Variants in LINGO2 observed in about 807,000 individuals in gnomAD.
LINGO2 encodes leucine-rich repeat and immunoglobulin-like domain-containing nogo receptor-interacting protein 2.
LINGO2 carries 14 observed loss-of-function variants against 30.6 expected under a neutral mutation model. The observed-to-expected ratio is 0.46, with a 90% CI of 0.30 to 0.72. The LOEUF (loss-of-function observed/expected upper bound fraction) is 0.72. Ranked by LOEUF, LINGO2 falls within the 30% of genes least tolerant of loss-of-function variation. LINGO2 has a pLI of 0.07. For synonymous variants in LINGO2, 317 were observed against 288.5 expected, an observed-to-expected ratio of 1.10 and a Z score of -1.00; for missense variants, 729 against 751.7, an observed-to-expected ratio of 0.97 and a Z score of 0.35.
In LINGO2 at chr9:27,950,364, T is replaced by G. The variant is rs376791650; in HGVS notation, c.308A>C (p.Asn103Thr). 8 of 1,614,160 alleles carry G rather than the reference T, an allele frequency of 5.0e-6. No homozygotes were observed. In the Admixed American group the frequency reaches 1.3e-4, roughly 27 times the overall value. The change falls in exon 6 of 6, where the codon AAT becomes ACT. Residue 103 changes from asparagine (N) to threonine (T), a missense_variant. Transcript: ENST00000379992. ...GCGGAGGGAACGCAGGTTAAAGAGA[T>G]TGTTGAATGCTCCTGGTTCCACATT...
intron 1 of LINGO2, among the ~76,000 whole-genome samples, chr9:28,559,147 T>A (rs558893616): frequency 6.6e-6 from 1 of 152,126 alleles, no homozygotes; most frequent in South Asian, 2.1e-4. Flanking sequence ...CAAGTAAATA[T>A]TCAGACACTG....
intron 4 of LINGO2, among the ~76,000 whole-genome samples, chr9:28,075,342 G>A (rs1295848097): frequency 1.3e-5 from 2 of 151,766 alleles, no homozygotes; most frequent in Non-Finnish European, 2.9e-5. Flanking sequence ...TAAAATTTAT[G>A]TATCCATACT....
At chr9:29,144,385 G>T in the LINGO2 span, among the ~76,000 whole-genome samples, 1 of 151,902 alleles carries the variant, frequency 6.6e-6, no homozygotes, top group African/African-American at 2.4e-5. Context: ...GATTCTTCCT[G>T]TCTACGAATT....
At chr9:28,534,413 T>C (rs1432894254) in intron 1 of LINGO2, among the ~76,000 whole-genome samples, 11 of 152,142 alleles carry the variant, frequency 7.2e-5, no homozygotes, top group Non-Finnish European at 1.0e-4. Flanking sequence ...TGAAAACACA[T>C]TGGGGTCATT....
intron 4 of LINGO2, among the ~76,000 whole-genome samples, chr9:28,197,776 T>C (rs1010575365): frequency 1.3e-5 from 2 of 151,782 alleles, no homozygotes; most frequent in Admixed American, 6.6e-5. Context: ...AATGGCAAAC[T>C]GGAGAAACAT....
At chr9:27,946,091 C>T (rs1427510721), downstream of LINGO2, among the ~76,000 whole-genome samples, 7 of 152,068 alleles carry the variant, frequency 4.6e-5, no homozygotes, top group Non-Finnish European at 1.0e-4. Flanking sequence ...TTCTATGGAG[C>T]TCTAGTTTTT....
intron 1 of LINGO2, among the ~76,000 whole-genome samples, chr9:28,620,748 TTC>T (rs1322476250): frequency 6.6e-6 from 1 of 152,046 alleles, no homozygotes; most frequent in African/African-American, 2.4e-5. Flanking sequence ...ACACCACATG[TTC>T]TCTGTTATAA....
At chr9:28,023,610 G>C (rs904253746) in intron 4 of LINGO2, among the ~76,000 whole-genome samples, 1 of 152,160 alleles carries the variant, frequency 6.6e-6, no homozygotes, top group African/African-American at 2.4e-5. Context: ...AGTTGAAACA[G>C]GAAAGCTAGA....
chr9:28,360,233 C>T (rs1202548076), intron 3 of LINGO2, among the ~76,000 whole-genome samples: 1 of 152,098 alleles, frequency 6.6e-6, no homozygotes, highest in Non-Finnish European at 1.5e-5. Context: ...TTTCAAAATT[C>T]ACTTTCAGAT....
At chr9:28,433,923 T>C (rs13295535) in intron 2 of LINGO2, among the ~76,000 whole-genome samples, 2,839 of 108,336 alleles carry the variant, frequency 0.026, 169 homozygotes, top group African/African-American at 0.051. Flanking sequence ...TGCTCTCTCT[T>C]TCTCTCTCTC....
chr9:28,555,531 G>C (rs1822611582), intron 1 of LINGO2, among the ~76,000 whole-genome samples: 1 of 151,978 alleles, frequency 6.6e-6, no homozygotes, highest in Non-Finnish European at 1.5e-5. Context: ...TAAGAGTCCA[G>C]GACCAGATGG....
the LINGO2 span, among the ~76,000 whole-genome samples, chr9:29,019,088 A>G: frequency 6.6e-6 from 1 of 152,150 alleles, no homozygotes; most frequent in Non-Finnish European, 1.5e-5. Context: ...CTTTCTACAC[A>G]CTAATTCAGA....
At chr9:28,135,062 A>G (rs532239566) in intron 4 of LINGO2, among the ~76,000 whole-genome samples, 1 of 152,228 alleles carries the variant, frequency 6.6e-6, no homozygotes, top group Admixed American at 6.5e-5. Flanking sequence ...ACATTCAACC[A>G]CGAGTAACAA....
intron 4 of LINGO2, among the ~76,000 whole-genome samples, chr9:28,028,319 C>T (rs79388928): frequency 6.6e-6 from 1 of 152,108 alleles, no homozygotes; most frequent in Non-Finnish European, 1.5e-5. Context: ...TTTATTTCAT[C>T]GATTCTCATC....
chr9:29,148,251 A>G, the LINGO2 span, among the ~76,000 whole-genome samples: 6 of 152,296 alleles, frequency 3.9e-5, no homozygotes, highest in South Asian at 8.3e-4. Context: ...AAATGTACAC[A>G]TTAAGCTGAT....
At chr9:29,112,185 T>C in the LINGO2 span, among the ~76,000 whole-genome samples, 4 of 151,244 alleles carry the variant, frequency 2.6e-5, no homozygotes, top group Non-Finnish European at 5.9e-5. Context: ...TTAGAGAAAA[T>C]ATGCTCAATT....
chr9:28,083,706 C>T (rs1341352249), intron 4 of LINGO2, among the ~76,000 whole-genome samples: 8 of 152,064 alleles, frequency 5.3e-5, no homozygotes, highest in Non-Finnish European at 1.0e-4. Context: ...CTTTTGTTAC[C>T]GATGCCACAT....
chr9:28,291,552 A>C (rs748144304), intron 4 of LINGO2, among the ~76,000 whole-genome samples: 1 of 152,234 alleles, frequency 6.6e-6, no homozygotes, highest in Non-Finnish European at 1.5e-5. Context: ...TGGAATTTCT[A>C]GAATGGAATA....
chr9:28,494,926 G>A (rs1819542945), intron 1 of LINGO2, among the ~76,000 whole-genome samples: 1 of 152,190 alleles, frequency 6.6e-6, no homozygotes, highest in African/African-American at 2.4e-5. Context: ...GCTGTGAGAT[G>A]GTATCACACT....
Sources: gnomAD v4.1 joint callset for allele counts (sites outside exome capture counted in the v4.1 genomes callset) on GRCh38, gnomAD v4.1.1 for gene constraint, MANE v1.5 for transcripts, NCBI Gene and HGNC (gene_info 2026-07-23, HGNC 2026-07-21) for gene names.